The following SPC25 variants were observed in gnomAD, a reference collection of about 807,000 sequenced individuals.
SPC25 encodes the protein SPC25 component of NDC80 kinetochore complex.
In SPC25, 22 loss-of-function variants were observed where a neutral mutation model predicts 29.6. The observed-to-expected ratio is 0.74, with a 90% CI of 0.53 to 1.06. SPC25 has a LOEUF of 1.06. Ranked by LOEUF, SPC25 falls within the 50% of genes least tolerant of loss-of-function variation. The pLI is 0.00. For missense variants in SPC25, 230 were observed against 255.8 expected, an observed-to-expected ratio of 0.90 and a Z score of 0.69; for synonymous variants, 91 against 90.4, an observed-to-expected ratio of 1.01 and a Z score of -0.04.
At chr2:168,861,777 A>AAAGT (rs1689466674) in intron 4 of SPC25, among the ~76,000 whole-genome samples, 1 of 152,246 alleles carries the variant, frequency 6.6e-6, no homozygotes, top group Non-Finnish European at 1.5e-5. Flanking sequence ...ATACATATAG[A>AAAGT]AAGTGCATCA....
intron 6 of SPC25, among the ~76,000 whole-genome samples, chr2:168,872,326 T>C (rs1406358402): frequency 6.6e-6 from 1 of 152,146 alleles, no homozygotes; most frequent in Admixed American, 6.6e-5. Context: ...GAAAGAAATA[T>C]CTAGAATTTT....
chr2:168,885,163 T>C (rs757860572), intron 3 of SPC25, among the ~76,000 whole-genome samples: 2 of 152,132 alleles, frequency 1.3e-5, no homozygotes, highest in Non-Finnish European at 2.9e-5. Flanking sequence ...CCACATATGT[T>C]TCCTTCCCAC....
rs554095109 is a variant in SPC25 at position 168,884,673 on chromosome 2, C to T, written c.199+4553G>A. Among the ~76,000 whole-genome samples the T allele has an allele frequency of 1.1e-4, 17 of 152,280 alleles. 1 individual carries two copies. In the South Asian group the frequency reaches 3.1e-3, roughly 28 times the overall value. ...TCTTACTTCCTCTGTTCTCCAATTA[C>T]GAATTCTGTCTTTCCTGGTCGTTTC... is the stretch of plus-strand genomic sequence containing the variant. On this transcript the variant is annotated intron_variant, in intron 3 of 6. Coordinates refer to ENST00000282074, the MANE Select transcript of SPC25 (RefSeq NM_020675.4).
chr2:168,865,994 C>G (rs1463619986), downstream of SPC25, among the ~76,000 whole-genome samples: 1 of 152,402 alleles, frequency 6.6e-6, no homozygotes, highest in South Asian at 2.1e-4. Context: ...AATGGAAGAA[C>G]ATTCCATGCT....
Position 168,889,264 on chromosome 2 carries a change from TCTTC to T in SPC25, c.157_160del (p.Glu53LysfsTer30). 6.2e-7 allele frequency: 1 copy of T among 1,613,892 alleles called. No homozygotes were observed. Among genetic ancestry groups the T allele is most frequent in the Non-Finnish European group, 8.5e-7 (1 of 1,179,970 alleles). On this transcript the variant is annotated frameshift_variant, in exon 3 of 7. Transcript: ENST00000282074. LOFTEE classifies it high-confidence loss of function. ...CAGAAACATCTCAACCATTCGTTCT[TCTTC>T]CTTTAATTTCACAGACAGCTTTTCT...
chr2:168,871,483 GA>G lies in SPC25; in HGVS notation c.622del (p.Ser208GlnfsTer47). 6.2e-7 allele frequency: 1 copy of G among 1,610,636 alleles called. No homozygotes were observed. Among genetic ancestry groups the G allele is most frequent in the Admixed American group, 1.7e-5 (1 of 59,670 alleles). The part of the protein sequence containing the change: ...QENVRKTNNF[S>X]AFLANVRKAF... ...TTTCCGAACATTGGCAAGAAAAGCT[GA>G]AAAATTGTTGGTCTTCCTTACATTC... On this transcript the variant is annotated frameshift_variant, in exon 7 of 7. Transcript: ENST00000282074. LOFTEE classifies it high-confidence loss of function.
At chr2:168,888,972 T>TATATATATAC (rs572773262) in intron 3 of SPC25, among the ~76,000 whole-genome samples, 2 of 103,284 alleles carry the variant, frequency 1.9e-5, no homozygotes, top group Admixed American at 2.0e-4. Context: ...TATATATATA[T>TATATATATAC]ACACACACAC....
At chr2:168,885,175 T>A (rs1237616616) in intron 3 of SPC25, among the ~76,000 whole-genome samples, 2 of 152,154 alleles carry the variant, frequency 1.3e-5, no homozygotes, top group African/African-American at 4.8e-5. Context: ...CCTTCCCACC[T>A]ATAAAAACAT....
At chr2:168,863,024 TA>T (rs1689565767) in intron 4 of SPC25, among the ~76,000 whole-genome samples, 1 of 34,874 alleles carries the variant, frequency 2.9e-5, no homozygotes, top group Non-Finnish European at 4.6e-5. Context: ...CCTATGTGAA[TA>T]AAAGACAGAC....
downstream of SPC25, among the ~76,000 whole-genome samples, chr2:168,867,475 T>C (rs1215502581): frequency 6.6e-6 from 1 of 152,248 alleles, no homozygotes; most frequent in African/African-American, 2.4e-5. Flanking sequence ...ATCAGTGTGC[T>C]GTATTCAGGA....
At chr2:168,876,311 A>G (rs1031904073) in intron 4 of SPC25, 135 bp from the exon 5 acceptor site, 4 of 645,024 alleles carry the variant, frequency 6.2e-6, no homozygotes, top group African/African-American at 3.9e-5. Flanking sequence ...TATTGTTTCT[A>G]TATCTACCAG....
rs765291833 is a variant in SPC25, at chr2:168,863,996, C to T, written n.419+9589G>A. On this transcript the variant is annotated intron_variant and non_coding_transcript_variant, in intron 4 of 4. Coordinates refer to the SPC25 transcript ENST00000479309. ...TGTGATCTTAGCTCACTGCAACCTCCGTCTCCTGGATTCAAGTGATTCTCC... is the reference window on the plus strand; with the variant it reads ...TGTGATCTTAGCTCACTGCAACCTCTGTCTCCTGGATTCAAGTGATTCTCC... Among the ~76,000 whole-genome samples the T allele has an allele frequency of 8.6e-5, 13 of 151,730 alleles. No individual in the cohort carries two copies. The South Asian group carries it at 1.5e-3, about 17-fold the overall frequency.
At chr2:168,875,950 C>A in intron 5 of SPC25, 122 bp downstream of exon 5, 1 of 484,116 alleles carries the variant, frequency 2.1e-6, no homozygotes, top group Non-Finnish European at 3.5e-6. Flanking sequence ...TAATTTTTTC[C>A]TATTTTCTAA....
intron 6 of SPC25, among the ~76,000 whole-genome samples, chr2:168,872,440 G>T (rs762831902): frequency 6.6e-6 from 1 of 152,142 alleles, no homozygotes; most frequent in Non-Finnish European, 1.5e-5. Context: ...TAACAGTATT[G>T]TCCTTGTATG....
At chr2:168,866,746 C>T (rs1420910254), downstream of SPC25, among the ~76,000 whole-genome samples, 1 of 150,664 alleles carries the variant, frequency 6.6e-6, no homozygotes, top group Non-Finnish European at 1.5e-5. Context: ...GGGCTAATAT[C>T]CAGAATCTAC....
chr2:168,876,111 A>G lies in SPC25; in HGVS notation c.412T>C (p.Tyr138His). 3 of 1,566,276 alleles carry G rather than the reference A, an allele frequency of 1.9e-6. No homozygotes were observed. Among genetic ancestry groups the G allele is most frequent in the Non-Finnish European group, 2.6e-6 (3 of 1,163,996 alleles). The change falls in exon 5 of 7, where the codon TAT (tyrosine) becomes CAT (histidine). Residue 138 changes from tyrosine to histidine, a missense_variant. Coordinates refer to ENST00000282074, the MANE Select transcript of SPC25 (RefSeq NM_020675.4). The stretch of plus-strand genomic sequence containing the variant: ...ATTTCTAGTCCAAGTCGATCTTTAT[A>G]CAAGTCTGCAGATTTCTGCAGCCTT... ...LKRLQKSADL[Y>H]KDRLGLEIRK...
At chr2:168,880,204 C>A (rs1690153989) in intron 3 of SPC25, among the ~76,000 whole-genome samples, 1 of 152,186 alleles carries the variant, frequency 6.6e-6, no homozygotes, top group African/African-American at 2.4e-5. Context: ...TCCTAGATGG[C>A]ATCTTCTTCC....
chr2:168,864,704 C>T, intron 4 of SPC25: 1 of 1,027,908 alleles, frequency 9.7e-7, no homozygotes, highest in Non-Finnish European at 1.4e-6. Context: ...TTGGCTTCAT[C>T]TGAATCAAGT....
intron 3 of SPC25, among the ~76,000 whole-genome samples, chr2:168,887,562 T>A (rs1197502906): frequency 6.6e-6 from 1 of 152,174 alleles, no homozygotes; most frequent in African/African-American, 2.4e-5. Context: ...AGGCTACCCA[T>A]TTTGCAAATG....
Sources: gnomAD v4.1 joint callset for allele counts (sites outside exome capture counted in the v4.1 genomes callset) on GRCh38, gnomAD v4.1.1 for gene constraint, MANE v1.5 for transcripts, NCBI Gene and HGNC (gene_info 2026-07-23, HGNC 2026-07-21) for gene names.